Variants in LIPG observed in about 807,000 individuals in gnomAD.
LIPG encodes the protein endothelial lipase.
A neutral mutation model predicts 51.8 loss-of-function variants in LIPG; 34 were observed. The observed-to-expected ratio is 0.66, with a 90% CI of 0.50 to 0.87. LIPG has a LOEUF of 0.87. LIPG is among the 40% of genes least tolerant of loss of function. LIPG has a pLI of 0.00. For missense variants in LIPG, 580 were observed against 652.7 expected (o/e 0.89, Z 1.21); for synonymous variants, 246 against 246.1 (o/e 1.00, Z 0.00).
In LIPG at chr18:49,592,908, A is replaced by G. The variant is rs538139160; in HGVS notation, c.*2386A>G. 1 of 150,654 alleles carries G rather than the reference A, an allele frequency of 6.6e-6. No homozygotes were observed. The highest frequency in any genetic ancestry group is 2.4e-5 in the African/African-American group (1 of 41,122). The allele number at this position is 150,654 out of a possible 1,614,324, so 9.3% of individuals were successfully genotyped here. On this transcript the variant is annotated 3_prime_UTR_variant, in exon 10 of 10. Transcript: ENST00000261292. Reference sequence around the variant, plus strand: ...ATAATAAAAAATTATAAAGTTCTTAATGGTCTGACAACTCAATTTTTTTTT... The same window carrying G: ...ATAATAAAAAATTATAAAGTTCTTAGTGGTCTGACAACTCAATTTTTTTTT...
In LIPG at chr18:49,583,741, G is replaced by T. The variant is rs747420198; in HGVS notation, c.1343G>T (p.Arg448Leu). Reference sequence around the variant, plus strand: ...CCCGGACGGGAGCTGAATATCAGGCGCATCCGGGTGAAGTCTGGGGAAACC... The same window carrying T: ...CCCGGACGGGAGCTGAATATCAGGCTCATCCGGGTGAAGTCTGGGGAAACC... The part of the protein sequence containing the change: ...RNPGRELNIR[R>L]IRVKSGETQR... The change falls in exon 8 of 10, where the codon CGC (arginine) becomes CTC (leucine). Residue 448 changes from arginine (R) to leucine (L), a missense_variant. By Grantham distance (102) the Arg-to-Leu change is moderately radical. Transcript: ENST00000261292. 12 of 1,613,546 alleles carry T rather than the reference G, an allele frequency of 7.4e-6. No individual in the cohort carries two copies. The highest frequency in any genetic ancestry group is 1.7e-4 in the Middle Eastern group (1 of 5,784).
At chr18:49,572,199 A>G (rs547711219) in intron 4 of LIPG, among the ~76,000 whole-genome samples, 1 of 152,178 alleles carries the variant, frequency 6.6e-6, no homozygotes, top group Non-Finnish European at 1.5e-5. Flanking sequence ...GGGTGCCTGT[A>G]ATCCCAGCTA....
chr18:49,582,808 A>T (rs1366877313), intron 7 of LIPG, among the ~76,000 whole-genome samples: 1 of 152,236 alleles, frequency 6.6e-6, no homozygotes, highest in Admixed American at 6.5e-5. Context: ...GGCAATCTGT[A>T]ACTTCGTAAA....
chr18:49,572,430 G>C (rs1448912623), intron 4 of LIPG, among the ~76,000 whole-genome samples: 2 of 152,122 alleles, frequency 1.3e-5, no homozygotes, highest in East Asian at 1.9e-4. Flanking sequence ...TTCTACGGAG[G>C]GGGAAACTAG....
chr18:49,570,479 G>GA (rs2084650815), intron 4 of LIPG, among the ~76,000 whole-genome samples: 1 of 152,058 alleles, frequency 6.6e-6, no homozygotes, highest in South Asian at 2.1e-4. Context: ...GATTCTAAGG[G>GA]TGATCACCTA....
rs748825827 is a variant in LIPG, at chr18:49,575,382, C to T, written c.585C>T (p.Ala195=). ...CTTCTGCTGCAGGTTTGGATCCTGCCGGGCCCATGTTTGAAGGGGCCGACA... is the reference window on the plus strand; with the variant it reads ...CTTCTGCTGCAGGTTTGGATCCTGCTGGGCCCATGTTTGAAGGGGCCGACA... ...TVGRITGLDP[A]GPMFEGADIH... Residue 195 remains alanine (A), a synonymous_variant, in exon 5 of 10, where the codon GCC becomes GCT. Transcript: ENST00000261292. The T allele has an allele frequency of 1.6e-5, 25 of 1,612,432 alleles. No individual in the cohort carries two copies. The highest frequency in any genetic ancestry group is 5.5e-5 in the South Asian group (5 of 90,988).
intron 3 of LIPG, among the ~76,000 whole-genome samples, chr18:49,568,573 G>A (rs895801673): frequency 2.6e-5 from 4 of 151,456 alleles, no homozygotes; most frequent in Non-Finnish European, 5.9e-5. Context: ...TAGAGATGGG[G>A]TTTCACCATG....
In LIPG at chr18:49,597,303, T is replaced by C. The variant is rs1244118018; in HGVS notation, c.*6781T>C. 1 of 152,152 alleles carries C rather than the reference T, an allele frequency of 6.6e-6. No individual in the cohort carries two copies. The highest frequency in any genetic ancestry group is 1.5e-5 in the Non-Finnish European group (1 of 68,038). The allele number at this position is 152,152 out of a possible 1,614,324, so 9.4% of individuals were successfully genotyped here. ...CTTCCCTCCTGAACTTACAGAGCCT[T>C]TCAGTAAACACCAGTATTTGTCCCT... On this transcript the variant is annotated 3_prime_UTR_variant, in exon 10 of 10. Transcript: ENST00000261292.
intron 4 of LIPG, among the ~76,000 whole-genome samples, chr18:49,574,499 A>G (rs755938159): frequency 3.9e-5 from 6 of 152,208 alleles, no homozygotes; most frequent in Non-Finnish European, 8.8e-5. Flanking sequence ...GCAGTTTTCA[A>G]ATCAAAAGAT....
rs774602635 is a variant in LIPG at position 49,569,446 on chromosome 18, G to A, written c.469G>A (p.Asp157Asn). 19 of 1,614,166 alleles carry A rather than the reference G, an allele frequency of 1.2e-5. No individual in the cohort carries two copies. In the East Asian group the frequency reaches 1.3e-4, roughly 11 times the overall value. Residue 157 changes from aspartate (D) to asparagine (N), a missense_variant, in exon 4 of 10, where the codon GAT becomes AAT. By Grantham distance (23) the Asp-to-Asn change is conservative. Transcript: ENST00000261292. ...TGGTGACTTTCTATAGGAGAAGGAC[G>A]ATTTTTCTCTCGGGAATGTCCACTT... ...RMLDWLQEKD[D>N]FSLGNVHLIG...
chr18:49,569,324 G>A (rs1215889264), intron 3 of LIPG, 113 bp from the exon 4 acceptor site: 2 of 867,268 alleles, frequency 2.3e-6, no homozygotes, highest in Non-Finnish European at 3.8e-6. Context: ...GAGTCTCTGT[G>A]CCCACGGCCC....
At chr18:49,570,646 T>C (rs1379481923) in intron 4 of LIPG, among the ~76,000 whole-genome samples, 1 of 152,124 alleles carries the variant, frequency 6.6e-6, no homozygotes, top group Non-Finnish European at 1.5e-5. Context: ...CTGGCCAACA[T>C]GATGAAACAC....
At chr18:49,584,522 C>G (rs1488295606) in intron 8 of LIPG, among the ~76,000 whole-genome samples, 1 of 152,244 alleles carries the variant, frequency 6.6e-6, no homozygotes, top group Non-Finnish European at 1.5e-5. Context: ...CTGACCTCTA[C>G]AGAGGTCACT....
intron 5 of LIPG, among the ~76,000 whole-genome samples, chr18:49,576,293 T>C (rs1004518557): frequency 1.3e-5 from 2 of 152,126 alleles, no homozygotes; most frequent in Non-Finnish European, 2.9e-5. Context: ...TGTATCCTTC[T>C]AGTCTTTTTT....
rs1192459735 is a variant in LIPG, at chr18:49,591,480, A to G, written c.*958A>G. 1 of 152,252 alleles carries G rather than the reference A, an allele frequency of 6.6e-6. No homozygotes were observed. Among genetic ancestry groups the G allele is most frequent in the African/African-American group, 2.4e-5 (1 of 41,470 alleles). 9.4% of individuals were successfully genotyped at this position (152,252 alleles called of 1,614,324 possible). A position where few individuals can be genotyped will look rare whatever the true frequency, so the allele number is the denominator to read the frequency against. ...GGCCAGAATGATGGCCGGTTGCCAG[A>G]TATAACTGCTTTGGAGCAAATCTCT... On this transcript the variant is annotated 3_prime_UTR_variant, in exon 10 of 10. Transcript: ENST00000261292.
intron 1 of LIPG, among the ~76,000 whole-genome samples, chr18:49,564,789 GTTATCT>G (rs1884035290): frequency 6.6e-6 from 1 of 152,206 alleles, no homozygotes; most frequent in South Asian, 2.1e-4. Context: ...GAGGCTATTG[GTTATCT>G]TTATATTTGC....
At chr18:49,578,140 C>T (rs2084749319) in intron 5 of LIPG, among the ~76,000 whole-genome samples, 1 of 146,732 alleles carries the variant, frequency 6.8e-6, no homozygotes, top group African/African-American at 2.6e-5. Flanking sequence ...CCACCTCCCT[C>T]CCGGACGGGG....
chr18:49,570,608 A>G (rs2084651932), intron 4 of LIPG, among the ~76,000 whole-genome samples: 2 of 152,172 alleles, frequency 1.3e-5, no homozygotes, highest in African/African-American at 4.8e-5. Context: ...AGGTGGGTGG[A>G]TCACGAGGTC....
At chr18:49,590,188 T>TGTGC in intron 9 of LIPG, 2 of 470,358 alleles carry the variant, frequency 4.3e-6, no homozygotes, top group South Asian at 4.0e-5. Context: ...TGTGTGTGTG[T>TGTGC]GTGTGTGTGT....
Sources: allele counts gnomAD v4.1 joint callset (sites outside exome capture counted in the v4.1 genomes callset), GRCh38; gene constraint gnomAD v4.1.1; transcripts MANE v1.5; gene names NCBI Gene and HGNC (gene_info 2026-07-23, HGNC 2026-07-21).